The following PCDH15 variants were observed in gnomAD, a reference collection of about 807,000 sequenced individuals.
The protein encoded by PCDH15 is protocadherin-15.
PCDH15 carries 129 observed loss-of-function variants against 178.5 expected under a neutral mutation model. That is an observed-to-expected ratio of 0.72 (90% confidence interval 0.63 to 0.84). The LOEUF (loss-of-function observed/expected upper bound fraction) is 0.84, where lower values mean the gene tolerates loss of function less well. PCDH15 is among the 40% of genes least tolerant of loss of function. The pLI, the probability that PCDH15 is intolerant of heterozygous loss-of-function variation, is 0.00. For synonymous variants in PCDH15, 800 were observed against 732.0 expected, an observed-to-expected ratio of 1.09 and a Z score of -1.50; for missense variants, 2,230 against 2,099.9, an observed-to-expected ratio of 1.06 and a Z score of -1.21.
intron 2 of PCDH15, among the ~76,000 whole-genome samples, chr10:55,152,815 A>T (rs1282409038): frequency 1.3e-5 from 2 of 152,152 alleles, no homozygotes; most frequent in African/African-American, 2.4e-5. Context: ...TTTTAACTTA[A>T]ATTCAATGAC....
intron 2 of PCDH15, among the ~76,000 whole-genome samples, chr10:54,998,029 T>G (rs953165663): frequency 6.6e-6 from 1 of 152,106 alleles, no homozygotes; most frequent in African/African-American, 2.4e-5. Context: ...TTCACTAAAA[T>G]GTAAGGGTAC....
chr10:54,155,640 A>T (rs2045040980), intron 13 of PCDH15, among the ~76,000 whole-genome samples: 1 of 152,018 alleles, frequency 6.6e-6, no homozygotes, highest in African/African-American at 2.4e-5. Flanking sequence ...AAATCATAAT[A>T]GTGTCTTCCA....
chr10:54,666,770 A>C (rs2094578910), intron 1 of PCDH15, among the ~76,000 whole-genome samples: 2 of 152,046 alleles, frequency 1.3e-5, no homozygotes, highest in Admixed American at 1.3e-4. Flanking sequence ...GCAAAGGACA[A>C]AAGGACATAG....
At chr10:54,941,524 T>C (rs1838062843) in intron 2 of PCDH15, among the ~76,000 whole-genome samples, 2 of 152,100 alleles carry the variant, frequency 1.3e-5, no homozygotes, top group African/African-American at 4.8e-5. Context: ...ATATTTCTTT[T>C]AGTTCTTTGA....
intron 2 of PCDH15, among the ~76,000 whole-genome samples, chr10:55,499,441 ACACACACACAC>A (rs1840606500): frequency 3.3e-5 from 5 of 150,560 alleles, no homozygotes; most frequent in African/African-American, 1.2e-4. Flanking sequence ...ACACACACAC[ACACACACACAC>A]AAATAATGTT....
At chr10:55,086,238 T>C (rs1362388063) in intron 2 of PCDH15, among the ~76,000 whole-genome samples, 9 of 151,958 alleles carry the variant, frequency 5.9e-5, no homozygotes, top group Admixed American at 5.9e-4. Context: ...ACTCTCATAG[T>C]TTGAAGTGCC....
intron 2 of PCDH15, among the ~76,000 whole-genome samples, chr10:55,575,009 T>A (rs1842471214): frequency 6.6e-6 from 1 of 152,068 alleles, no homozygotes; most frequent in Admixed American, 6.6e-5. Context: ...ATAAAGTGTA[T>A]AATTCCTTCA....
chr10:55,482,059 A>T (rs1164447915), intron 2 of PCDH15, among the ~76,000 whole-genome samples: 6 of 151,888 alleles, frequency 4.0e-5, no homozygotes, highest in Non-Finnish European at 8.8e-5. Context: ...TTCTTGGTGA[A>T]TCTAAACCTT....
At chr10:55,396,041 T>C (rs977321174) in intron 2 of PCDH15, among the ~76,000 whole-genome samples, 7 of 151,358 alleles carry the variant, frequency 4.6e-5, no homozygotes, top group Non-Finnish European at 8.9e-5. Flanking sequence ...AAAATATATT[T>C]TAGCATTTTC....
intron 1 of PCDH15, among the ~76,000 whole-genome samples, chr10:54,668,656 G>A (rs1297073998): frequency 6.6e-6 from 1 of 152,128 alleles, no homozygotes; most frequent in Admixed American, 6.6e-5. Flanking sequence ...AGTGACACAT[G>A]GCAAAAGCAG....
chr10:54,773,143 G>C (rs56286694), intron 1 of PCDH15, among the ~76,000 whole-genome samples: 6,052 of 152,134 alleles, frequency 0.04, 417 homozygotes, highest in African/African-American at 0.14. Flanking sequence ...GCTAATGGAT[G>C]CTAGGCTTAA....
intron 2 of PCDH15, among the ~76,000 whole-genome samples, chr10:55,417,181 AT>A (rs1248803408): frequency 2.0e-5 from 3 of 151,816 alleles, no homozygotes; most frequent in Non-Finnish European, 4.4e-5. Flanking sequence ...CCACTCTTTA[AT>A]TTTCACATAT....
intron 2 of PCDH15, among the ~76,000 whole-genome samples, chr10:55,371,416 T>C (rs1588962943): frequency 6.6e-6 from 1 of 152,056 alleles, no homozygotes; most frequent in African/African-American, 2.4e-5. Flanking sequence ...ACCACTGCAA[T>C]AGTGATATGA....
chr10:54,516,851 CA>C (rs1307211371), intron 3 of PCDH15, among the ~76,000 whole-genome samples: 1 of 152,192 alleles, frequency 6.6e-6, no homozygotes, highest in African/African-American at 2.4e-5. Context: ...ATCAGAGTAA[CA>C]GCAGATCTCT....
intron 3 of PCDH15, among the ~76,000 whole-genome samples, chr10:54,450,130 A>AATATATATAT (rs10526141): frequency 0.02 from 2,724 of 137,032 alleles, 32 homozygotes; most frequent in South Asian, 0.025. Flanking sequence ...CTTTTTTATA[A>AATATATATAT]ATATATATAT....
intron 2 of PCDH15, among the ~76,000 whole-genome samples, chr10:55,436,043 ATG>A (rs1565137043): frequency 6.6e-6 from 1 of 152,096 alleles, no homozygotes; most frequent in Non-Finnish European, 1.5e-5. Flanking sequence ...TTACTTATAT[ATG>A]TGTTTATTTT....
intron 5 of PCDH15, among the ~76,000 whole-genome samples, chr10:54,361,841 A>G (rs1445027233): frequency 6.6e-6 from 1 of 152,106 alleles, no homozygotes; most frequent in Admixed American, 6.6e-5. Context: ...AATTTTCTCT[A>G]TGTACTCAAG....
intron 2 of PCDH15, among the ~76,000 whole-genome samples, chr10:54,950,455 T>C (rs1002520202): frequency 6.6e-6 from 1 of 151,912 alleles, no homozygotes; most frequent in African/African-American, 2.4e-5. Context: ...AAATCATGAG[T>C]TTCTCTGCAC....
At chr10:54,346,107 A>G (rs1943235965) in intron 6 of PCDH15, among the ~76,000 whole-genome samples, 1 of 152,212 alleles carries the variant, frequency 6.6e-6, no homozygotes, top group African/African-American at 2.4e-5. Flanking sequence ...GACCACAAAC[A>G]TAACAGAAAT....
Sources: gnomAD v4.1 joint callset for allele counts (sites outside exome capture counted in the v4.1 genomes callset) on GRCh38, gnomAD v4.1.1 for gene constraint, MANE v1.5 for transcripts, NCBI Gene and HGNC (gene_info 2026-07-23, HGNC 2026-07-21) for gene names.